Variants in PPIG observed in about 807,000 individuals in gnomAD.
PPIG encodes peptidyl-prolyl cis-trans isomerase G.
In PPIG, 26 loss-of-function variants were observed where a neutral mutation model predicts 87.9. That is an observed-to-expected ratio of 0.30 (90% CI 0.22 to 0.41). The LOEUF is 0.41. Ranked by LOEUF, PPIG falls within the 10% of genes least tolerant of loss-of-function variation. The pLI, the probability that PPIG is intolerant of heterozygous loss-of-function variation, is 1.00. For synonymous variants in PPIG, 308 were observed against 276.5 expected (o/e 1.11, Z -1.13); for missense variants, 722 against 879.4 (o/e 0.82, Z 2.26).
chr2:169,633,211 T>C lies in PPIG; in HGVS notation c.981T>C (p.Thr327=), dbSNP rs991853049. 5 of 1,610,868 alleles carry C rather than the reference T, an allele frequency of 3.1e-6. No individual in the cohort carries two copies. In the East Asian group the frequency reaches 1.1e-4, roughly 36 times the overall value. The part of the protein sequence containing the change: ...PASYQRRLLV[T]RSGRKIKGRG... ...CATACCAGAGACGACTTTTAGTTACTAGATCTGGCAGGAAAATTAAAGGAA... is the reference window on the plus strand; with the variant it reads ...CATACCAGAGACGACTTTTAGTTACCAGATCTGGCAGGAAAATTAAAGGAA... The change falls in exon 12 of 14, where the codon ACT becomes ACC. Residue 327 remains threonine, a synonymous_variant. Coordinates refer to ENST00000260970, the MANE Select transcript of PPIG (RefSeq NM_004792.3).
chr2:169,628,187 T>C lies in PPIG; in HGVS notation c.548-2587T>C, dbSNP rs934753910. ...AAAGGATATAGGGCAGGAAACGGCA[T>C]GGCTGGTACATCAACAGCATAGAGG... On this transcript the variant is annotated intron_variant, in intron 9 of 13. Coordinates refer to ENST00000260970, the MANE Select transcript of PPIG (RefSeq NM_004792.3). Among the ~76,000 whole-genome samples, 3 of 152,170 alleles carry C rather than the reference T, an allele frequency of 2.0e-5. No individual in the cohort carries two copies. In the South Asian group the frequency reaches 6.2e-4, roughly 31 times the overall value.
rs557318952 is a variant in PPIG, at chr2:169,597,850, CCTTG to C, written c.-69-5787_-69-5784del. Among the ~76,000 whole-genome samples the C allele has an allele frequency of 1.9e-3, 201 of 104,678 alleles. 4 individuals are homozygous for C. In the East Asian group the frequency reaches 0.039, roughly 20 times the overall value. 68.7% of individuals were successfully genotyped at this position (104,678 alleles called of 152,430 possible). A position where few individuals can be genotyped will look rare whatever the true frequency, so the allele number is the denominator to read the frequency against. On this transcript the variant is annotated intron_variant, in intron 1 of 13. Transcript: ENST00000260970. Reference sequence around the variant, plus strand: ...ACAGTATATCCTACACACTTCTGTACCTTGCTTGTTTGTTTGTTTGTTTGTTTGT... The same window carrying C: ...ACAGTATATCCTACACACTTCTGTACCTTGTTTGTTTGTTTGTTTGTTTGT...
chr2:169,604,305 CT>C, intron 4 of PPIG, 44 bp downstream of exon 4: 1 of 572,726 alleles, frequency 1.7e-6, no homozygotes, highest in Non-Finnish European at 2.9e-6. Flanking sequence ...TCTCAGTTGA[CT>C]ATGGCTTGCT....
chr2:169,597,855 C>CTTGCTTGTTTGT (rs559265269), intron 1 of PPIG, among the ~76,000 whole-genome samples: 396 of 150,828 alleles, frequency 2.6e-3, no homozygotes, highest in African/African-American at 8.6e-3. Context: ...CTGTACCTTG[C>CTTGCTTGTTTGT]TTGTTTGTTT....
chr2:169,635,313 G>A (rs16857098), intron 12 of PPIG, among the ~76,000 whole-genome samples: 16,982 of 152,048 alleles, frequency 0.11, 1,210 homozygotes, highest in South Asian at 0.26. Context: ...CCTCATCAAT[G>A]TTATGTAGTA....
intron 1 of PPIG, among the ~76,000 whole-genome samples, chr2:169,599,634 TTTG>T (rs1315474876): frequency 3.9e-5 from 6 of 152,214 alleles, no homozygotes; most frequent in Non-Finnish European, 7.3e-5. Context: ...TATGTTTTTT[TTTG>T]TTATTTCACT....
In PPIG at chr2:169,604,093, A is replaced by G; in HGVS notation, c.52A>G (p.Asn18Asp). The G allele has an allele frequency of 6.2e-7, 1 of 1,613,510 alleles. No homozygotes were observed. The part of the protein sequence containing the change: ...PRCFFDIAIN[N>D]QPAGRVVFEL... Reference sequence around the variant, plus strand: ...ATGTTTTTTTGACATTGCCATTAACAATCAACCTGGTAAGAATATTAGTTG... The same window carrying G: ...ATGTTTTTTTGACATTGCCATTAACGATCAACCTGGTAAGAATATTAGTTG... Residue 18 changes from asparagine to aspartate, a missense_variant, in exon 3 of 14, where the codon AAT (asparagine) becomes GAT (aspartate). Asn to Asp is a conservative substitution (Grantham distance 23). Around this residue, in one of 4 missense-constraint regions of PPIG, gnomAD observed 99 missense variants for 215.8 expected, o/e 0.46. Coordinates refer to ENST00000260970, the MANE Select transcript of PPIG (RefSeq NM_004792.3).
At chr2:169,605,534 C>T (rs536197618) in intron 4 of PPIG, among the ~76,000 whole-genome samples, 12 of 151,416 alleles carry the variant, frequency 7.9e-5, no homozygotes, top group Non-Finnish European at 1.6e-4. Flanking sequence ...AGTGTGGTGG[C>T]CCATGCCTGT....
chr2:169,605,970 A>G, intron 4 of PPIG, 69 bp from the exon 5 acceptor site: 1 of 1,079,046 alleles, frequency 9.3e-7, no homozygotes, highest in Non-Finnish European at 1.4e-6. Flanking sequence ...GGCATATTTT[A>G]CATTTATTTT....
At chr2:169,585,239 G>C (rs964715733) in intron 1 of PPIG, among the ~76,000 whole-genome samples, 1 of 149,006 alleles carries the variant, frequency 6.7e-6, no homozygotes, top group Non-Finnish European at 1.5e-5. Context: ...ATGCCTGAAG[G>C]GGAAGTATGC....
chr2:169,613,609 C>G (rs747978310), intron 7 of PPIG, among the ~76,000 whole-genome samples: 1 of 152,018 alleles, frequency 6.6e-6, no homozygotes, highest in African/African-American at 2.4e-5. Context: ...AACTCCTAAT[C>G]CAGATCTCTT....
At chr2:169,635,830 T>C (rs1406273412) in intron 12 of PPIG, among the ~76,000 whole-genome samples, 1 of 152,238 alleles carries the variant, frequency 6.6e-6, no homozygotes, top group East Asian at 1.9e-4. Flanking sequence ...ACATGACAAC[T>C]TAAGTTTCTC....
At position 169,631,929 on chromosome 2, in the gene PPIG, G is replaced by T; in HGVS notation, c.925G>T (p.Glu309Ter). 1 of 1,596,606 alleles carries T rather than the reference G, an allele frequency of 6.3e-7. No individual in the cohort carries two copies. The highest frequency in any genetic ancestry group is 8.6e-7 in the Non-Finnish European group (1 of 1,166,948). Residue 309 changes from glutamate to a stop codon, truncating the protein, a stop_gained, in exon 11 of 14, where the codon GAG (glutamate) becomes TAG (stop). Transcript: ENST00000260970. LOFTEE classifies it high-confidence loss of function. ...AAACAGAGAGAGAGAAAGGGAAAGA[G>T]AGTGGTATGTGAATATGTATATTTT... Reference protein sequence around the residue: ...RKNRERERERECNPPNSQPAS... With the variant: ...RKNRERERER
chr2:169,588,623 CT>C (rs1684770631), intron 1 of PPIG, among the ~76,000 whole-genome samples: 1 of 151,982 alleles, frequency 6.6e-6, no homozygotes. Context: ...GGGGGTAAAT[CT>C]TTTTTCTTTT....
chr2:169,599,719 G>A (rs900949748), intron 1 of PPIG, among the ~76,000 whole-genome samples: 1 of 152,092 alleles, frequency 6.6e-6, no homozygotes, highest in Admixed American at 6.6e-5. Flanking sequence ...ACAGTGAAAG[G>A]TTTTGGTTGT....
At chr2:169,584,872 A>G (rs561999033) in intron 1 of PPIG, 6 of 273,134 alleles carry the variant, frequency 2.2e-5, no homozygotes, top group Admixed American at 2.1e-4. Flanking sequence ...TAAAGCTTCA[A>G]AATCCTAAGA....
intron 7 of PPIG, among the ~76,000 whole-genome samples, chr2:169,609,488 A>G (rs1390935269): frequency 6.6e-6 from 1 of 152,138 alleles, no homozygotes; most frequent in Non-Finnish European, 1.5e-5. Context: ...GAAGAGGGAA[A>G]ATTGTTATAG....
At chr2:169,616,414 A>ACTC (rs1196870784) in intron 9 of PPIG, among the ~76,000 whole-genome samples, 2 of 152,138 alleles carry the variant, frequency 1.3e-5, no homozygotes, top group Non-Finnish European at 2.9e-5. Context: ...ATCCTTGAGG[A>ACTC]ATCGCCACAC....
chr2:169,635,558 C>G (rs1686157849), intron 12 of PPIG, among the ~76,000 whole-genome samples: 2 of 152,172 alleles, frequency 1.3e-5, no homozygotes, highest in Non-Finnish European at 2.9e-5. Context: ...ACTCATATAT[C>G]TTGGCTCACT....
Sources: gnomAD v4.1 joint callset for allele counts (sites outside exome capture counted in the v4.1 genomes callset) on GRCh38, gnomAD v4.1.1 for gene constraint, gnomAD v4.1.1 regional missense constraint, MANE v1.5 for transcripts, NCBI Gene and HGNC (gene_info 2026-07-23, HGNC 2026-07-21) for gene names.